MYO1E: variants seen among roughly 807,000 people sequenced by gnomAD.
The protein encoded by MYO1E is unconventional myosin-Ie.
In MYO1E, 68 loss-of-function variants were observed where a neutral mutation model predicts 151.1. That is an observed-to-expected ratio of 0.45 (90% CI 0.37 to 0.55). The LOEUF (loss-of-function observed/expected upper bound fraction) is 0.55, where lower values mean the gene tolerates loss of function less well. Ranked by LOEUF, MYO1E falls within the 20% of genes least tolerant of loss-of-function variation. MYO1E has a pLI of 0.00. For missense variants in MYO1E, 1,363 were observed against 1,389.3 expected (o/e 0.98, Z 0.30); for synonymous variants, 601 against 501.7 (o/e 1.20, Z -2.64).
Position 59,225,440 on chromosome 15 carries a change from C to T in MYO1E, c.643-617G>A, listed in dbSNP as rs1325176365. On this transcript the variant is annotated intron_variant, in intron 7 of 27. Coordinates refer to ENST00000288235, the MANE Select transcript of MYO1E (RefSeq NM_004998.4). Reference sequence around the variant, plus strand: ...AAGAGCTCTGACCATTTGATCCTGTCGATGTCGCCCTGAGGCTTCCCTGGC... The same window carrying T: ...AAGAGCTCTGACCATTTGATCCTGTTGATGTCGCCCTGAGGCTTCCCTGGC... Among the ~76,000 whole-genome samples, 6 of 152,120 alleles carry T rather than the reference C, an allele frequency of 3.9e-5. No homozygotes were observed. In the East Asian group the frequency reaches 5.8e-4, roughly 15 times the overall value.
chr15:59,249,408 A>G (rs2080150611), intron 4 of MYO1E, among the ~76,000 whole-genome samples: 1 of 132,380 alleles, frequency 7.6e-6, no homozygotes, highest in African/African-American at 2.8e-5. Context: ...CTGGTGACAG[A>G]GCAAGACTCT....
chr15:59,305,343 AC>A (rs2080508688), intron 1 of MYO1E, among the ~76,000 whole-genome samples: 2 of 151,942 alleles, frequency 1.3e-5, no homozygotes, highest in Non-Finnish European at 2.9e-5. Flanking sequence ...ACAAGCACAC[AC>A]CACCATGCCC....
intron 1 of MYO1E, among the ~76,000 whole-genome samples, chr15:59,295,869 G>C (rs1465317720): frequency 6.6e-6 from 1 of 152,146 alleles, no homozygotes; most frequent in Non-Finnish European, 1.5e-5. Flanking sequence ...TCTGTCTAGT[G>C]TAACAATGGC....
chr15:59,198,197 T>G (rs575256527), intron 16 of MYO1E, among the ~76,000 whole-genome samples: 4 of 152,222 alleles, frequency 2.6e-5, no homozygotes, highest in Non-Finnish European at 5.9e-5. Context: ...GCTGAGGTGG[T>G]TGTGAAGCAG....
At position 59,137,722 on chromosome 15, in the gene MYO1E, AG is replaced by A. The variant is rs1454537296; in HGVS notation, c.3251-267del. Among the ~76,000 whole-genome samples, 7 of 152,360 alleles carry A rather than the reference AG, an allele frequency of 4.6e-5. No individual in the cohort carries two copies. The South Asian group carries it at 8.3e-4, about 18-fold the overall frequency. On this transcript the variant is annotated intron_variant, in intron 27 of 27. Transcript: ENST00000288235. Reference sequence around the variant, plus strand: ...CATCCACTTTCATTATGAAGAAGCCAGGAAGTGTGGGTGGGACAGACCTCCC... The same window carrying A: ...CATCCACTTTCATTATGAAGAAGCCAGAAGTGTGGGTGGGACAGACCTCCC...
intron 12 of MYO1E, among the ~76,000 whole-genome samples, chr15:59,211,896 T>C (rs1389658412): frequency 6.6e-6 from 1 of 152,066 alleles, no homozygotes; most frequent in Non-Finnish European, 1.5e-5. Flanking sequence ...TCCCCCTCAC[T>C]GGTTTTTAAA....
intron 8 of MYO1E, among the ~76,000 whole-genome samples, chr15:59,224,345 T>C (rs1006153079): frequency 6.6e-6 from 1 of 152,202 alleles, no homozygotes; most frequent in Admixed American, 6.5e-5. Flanking sequence ...AGACGTGCGG[T>C]TTGCTTAGCT....
Position 59,161,095 on chromosome 15 carries a change from T to G in MYO1E, c.2763A>C (p.Gly921=). 1 of 1,613,562 alleles carries G rather than the reference T, an allele frequency of 6.2e-7. No homozygotes were observed. ...PSNKVLQVSI[G]PGLPKNSRPT... Reference sequence around the variant, plus strand: ...TACGGGAGTTCTTGGGCAGTCCAGGTCCGATGCTGACCTGCAGCACTTTGT... The same window carrying G: ...TACGGGAGTTCTTGGGCAGTCCAGGGCCGATGCTGACCTGCAGCACTTTGT... Residue 921 remains glycine (G), a synonymous_variant, in exon 24 of 28, where the codon GGA becomes GGC. Transcript: ENST00000288235.
intron 1 of MYO1E, among the ~76,000 whole-genome samples, chr15:59,356,883 T>G (rs1353093363): frequency 1.9e-5 from 2 of 104,806 alleles, no homozygotes; most frequent in Non-Finnish European, 3.7e-5. Flanking sequence ...TGTTAAGTTT[T>G]TTTTTTTGTT....
intron 18 of MYO1E, among the ~76,000 whole-genome samples, chr15:59,184,472 C>T (rs1319746261): frequency 1.3e-5 from 2 of 152,036 alleles, no homozygotes; most frequent in Non-Finnish European, 2.9e-5. Flanking sequence ...GCAATTTTCC[C>T]GCCTCAGCCT....
chr15:59,256,521 T>C (rs1347225861), intron 3 of MYO1E, 143 bp from the exon 4 acceptor site: 7 of 431,974 alleles, frequency 1.6e-5, no homozygotes, highest in Non-Finnish European at 2.8e-5. Flanking sequence ...ATGCCTATCA[T>C]TACATCTTAA....
At chr15:59,326,168 C>T (rs1425686961) in intron 1 of MYO1E, among the ~76,000 whole-genome samples, 1 of 151,332 alleles carries the variant, frequency 6.6e-6, no homozygotes, top group African/African-American at 2.4e-5. Flanking sequence ...AAAACCCAGA[C>T]AGCTATGTAT....
chr15:59,280,336 T>C (rs750257486), intron 1 of MYO1E, among the ~76,000 whole-genome samples: 3 of 152,326 alleles, frequency 2.0e-5, no homozygotes, highest in Admixed American at 6.5e-5. Context: ...TAGGATGTCT[T>C]ATAATCAACT....
chr15:59,143,201 A>G (rs2079421267), intron 26 of MYO1E, among the ~76,000 whole-genome samples: 1 of 152,138 alleles, frequency 6.6e-6, no homozygotes. Context: ...GACAACTGCT[A>G]CCATGCTGGC....
At chr15:59,206,655 G>T in intron 14 of MYO1E, 1 of 424,242 alleles carries the variant, frequency 2.4e-6, no homozygotes, top group South Asian at 5.3e-5. Flanking sequence ...AGGGATCTCG[G>T]TTAGCCTCTT....
chr15:59,371,905 GC>G (rs1409831904), intron 1 of MYO1E, among the ~76,000 whole-genome samples: 3 of 150,642 alleles, frequency 2.0e-5, no homozygotes, highest in Admixed American at 2.0e-4. Flanking sequence ...CCTACCTGGC[GC>G]CCCCGCCTGC....
At chr15:59,244,513 G>C (rs2080118323) in intron 4 of MYO1E, among the ~76,000 whole-genome samples, 1 of 152,196 alleles carries the variant, frequency 6.6e-6, no homozygotes, top group African/African-American at 2.4e-5. Flanking sequence ...CTTAGACAGA[G>C]AGAATAGAGT....
At chr15:59,229,103 T>A (rs1284292485) in intron 6 of MYO1E, among the ~76,000 whole-genome samples, 2 of 152,146 alleles carry the variant, frequency 1.3e-5, no homozygotes, top group Admixed American at 1.3e-4. Flanking sequence ...TTTTGGCATG[T>A]GATAGAGGGA....
chr15:59,337,702 T>G (rs1287031480), intron 1 of MYO1E, among the ~76,000 whole-genome samples: 3 of 152,056 alleles, frequency 2.0e-5, no homozygotes, highest in African/African-American at 7.2e-5. Flanking sequence ...CGTGGTGGTT[T>G]GCTCCTGTAA....
Sources: allele counts gnomAD v4.1 joint callset (sites outside exome capture counted in the v4.1 genomes callset), GRCh38; gene constraint gnomAD v4.1.1; transcripts MANE v1.5; gene names NCBI Gene and HGNC (gene_info 2026-07-23, HGNC 2026-07-21).